The following ANKS1B variants were observed in gnomAD, a reference collection of about 807,000 sequenced individuals.
ANKS1B encodes ankyrin repeat and sterile alpha motif domain containing 1B, also known as ankyrin repeat and sterile alpha motif domain-containing protein 1B.
Under a neutral mutation model 148.3 loss-of-function variants are expected in ANKS1B, and 36 were observed. The observed-to-expected ratio is 0.24, with a 90% CI of 0.19 to 0.32. The LOEUF (loss-of-function observed/expected upper bound fraction) is 0.32, where lower values mean the gene tolerates loss of function less well. ANKS1B is among the 10% of genes least tolerant of loss of function. ANKS1B has a pLI of 1.00. For synonymous variants in ANKS1B, 542 were observed against 560.8 expected, an observed-to-expected ratio of 0.97 and a Z score of 0.47; for missense variants, 1,157 against 1,542.6, an observed-to-expected ratio of 0.75 and a Z score of 4.19.
intron 12 of ANKS1B, among the ~76,000 whole-genome samples, chr12:99,350,285 T>C (rs149798620): frequency 2.0e-5 from 3 of 152,146 alleles, no homozygotes; most frequent in African/African-American, 7.2e-5. Context: ...GTACAGCCTG[T>C]GGAACCATGA....
At chr12:98,750,959 G>A (rs115802163) in intron 26 of ANKS1B, among the ~76,000 whole-genome samples, 4,298 of 152,328 alleles carry the variant, frequency 0.028, 109 homozygotes, top group African/African-American at 0.071. Context: ...GTGTACCTCT[G>A]CAAACCTCTC....
chr12:99,196,672 G>A (rs1034559686), intron 14 of ANKS1B, among the ~76,000 whole-genome samples: 7 of 151,090 alleles, frequency 4.6e-5, no homozygotes, highest in Non-Finnish European at 1.0e-4. Context: ...TGTGCACAAT[G>A]TGCAGGATAG....
chr12:99,336,247 A>C (rs1023050492), intron 12 of ANKS1B, among the ~76,000 whole-genome samples: 1 of 151,480 alleles, frequency 6.6e-6, no homozygotes, highest in South Asian at 2.1e-4. Context: ...GAGTTGTTTG[A>C]GTTCCTTATA....
intron 12 of ANKS1B, among the ~76,000 whole-genome samples, chr12:99,372,724 T>C (rs923163373): frequency 6.6e-6 from 1 of 152,166 alleles, no homozygotes; most frequent in African/African-American, 2.4e-5. Flanking sequence ...TTTCTGGCTC[T>C]GCATAAAATG....
chr12:99,911,524 A>G (rs994094668), intron 1 of ANKS1B, among the ~76,000 whole-genome samples: 5 of 152,226 alleles, frequency 3.3e-5, no homozygotes, highest in Admixed American at 1.3e-4. Flanking sequence ...TGAGTTTACG[A>G]CTATTATTAG....
intron 12 of ANKS1B, among the ~76,000 whole-genome samples, chr12:99,262,243 A>T (rs56002425): frequency 0.18 from 27,836 of 151,730 alleles, 2,797 homozygotes; most frequent in Non-Finnish European, 0.24. Flanking sequence ...TAAATATAAA[A>T]AAATATATAT....
intron 10 of ANKS1B, among the ~76,000 whole-genome samples, chr12:99,445,487 C>T (rs900233250): frequency 2.6e-5 from 4 of 151,748 alleles, no homozygotes; most frequent in African/African-American, 9.7e-5. Context: ...CGAGAATGAA[C>T]CTGTATAAAC....
chr12:99,843,101 T>C (rs7968121), intron 1 of ANKS1B, among the ~76,000 whole-genome samples: 44,125 of 152,058 alleles, frequency 0.29, 6,843 homozygotes, highest in Non-Finnish European at 0.35. Flanking sequence ...CAAGGGTAGA[T>C]ATGCATAACG....
intron 8 of ANKS1B, among the ~76,000 whole-genome samples, chr12:99,731,825 A>T (rs1293300012): frequency 6.6e-6 from 1 of 152,208 alleles, no homozygotes; most frequent in Non-Finnish European, 1.5e-5. Context: ...GCTTCATCAA[A>T]AATTTTTAAA....
chr12:99,321,884 T>C (rs988466624), intron 12 of ANKS1B, among the ~76,000 whole-genome samples: 5 of 152,122 alleles, frequency 3.3e-5, no homozygotes, highest in South Asian at 2.1e-4. Context: ...TGTGGAGAAA[T>C]AGGAATGCTT....
intron 24 of ANKS1B, among the ~76,000 whole-genome samples, chr12:98,778,747 T>C (rs1041005557): frequency 2.0e-5 from 3 of 152,186 alleles, no homozygotes; most frequent in African/African-American, 7.2e-5. Context: ...GATGGTAGTA[T>C]TTCTCAGTCT....
intron 9 of ANKS1B, among the ~76,000 whole-genome samples, chr12:99,520,006 G>T (rs1322514986): frequency 6.6e-6 from 1 of 151,978 alleles, no homozygotes; most frequent in African/African-American, 2.4e-5. Context: ...TTCTCTTTAT[G>T]TATTATTGTA....
In ANKS1B at chr12:99,954,581, T is replaced by C. The variant is rs535018386; in HGVS notation, c.134+29523A>G. On this transcript the variant is annotated intron_variant, in intron 1 of 26. Transcript: ENST00000683438. ...TCCTTTTGGAATTTATATGGAAAGA[T>C]GTAACATTTACGGAGCCATTCATTA... Among the ~76,000 whole-genome samples the C allele has an allele frequency of 4.2e-4, 64 of 152,362 alleles. 1 individual carries two copies. The South Asian group carries it at 0.013, about 31-fold the overall frequency.
At chr12:99,253,899 C>A (rs1174312093) in intron 12 of ANKS1B, among the ~76,000 whole-genome samples, 1 of 152,040 alleles carries the variant, frequency 6.6e-6, no homozygotes, top group Non-Finnish European at 1.5e-5. Flanking sequence ...GATTTTCCTG[C>A]CAAAGATGTA....
chr12:99,030,427 C>T (rs2099951324), intron 17 of ANKS1B, among the ~76,000 whole-genome samples: 1 of 152,020 alleles, frequency 6.6e-6, no homozygotes, highest in African/African-American at 2.4e-5. Context: ...TACCCCATTG[C>T]CTTCTTCCAG....
At chr12:99,191,534 G>A (rs574791693) in intron 14 of ANKS1B, among the ~76,000 whole-genome samples, 87 of 152,304 alleles carry the variant, frequency 5.7e-4, no homozygotes, top group African/African-American at 2.1e-3. Flanking sequence ...ATGAGTTCAT[G>A]TCCTTTGCAG....
intron 9 of ANKS1B, among the ~76,000 whole-genome samples, chr12:99,619,017 A>G (rs2098010918): frequency 6.6e-6 from 1 of 152,082 alleles, no homozygotes; most frequent in African/African-American, 2.4e-5. Flanking sequence ...CTCCTGGGTG[A>G]TGATACTTGC....
At position 99,825,350 on chromosome 12, in the gene ANKS1B, C is replaced by T. The variant is rs117506069; in HGVS notation, c.174G>A (p.Ser58=). 190 of 1,612,620 alleles carry T rather than the reference C, an allele frequency of 1.2e-4. 2 individuals are homozygous for T. The East Asian group carries it at 4.0e-3, about 34-fold the overall frequency. The change falls in exon 2 of 27, where the codon TCG becomes TCA. Residue 58 remains serine, a synonymous_variant. Transcript: ENST00000683438. Reference sequence around the variant, plus strand: ...CTGCGTGGTGTAAAGCAGTGTAACCCGAACTGTCTGTGCAGTTCACATTGG... The same window carrying T: ...CTGCGTGGTGTAAAGCAGTGTAACCTGAACTGTCTGTGCAGTTCACATTGG... ...RGPNVNCTDS[S]GYTALHHAAL... is the part of the protein sequence containing the mutation.
At chr12:98,859,567 TTAGA>T (rs1309832823) in intron 17 of ANKS1B, among the ~76,000 whole-genome samples, 1 of 152,202 alleles carries the variant, frequency 6.6e-6, no homozygotes, top group Non-Finnish European at 1.5e-5. Flanking sequence ...AAAGGACTTG[TTAGA>T]TTGAGAATTT....
Sources: allele counts gnomAD v4.1 joint callset (sites outside exome capture counted in the v4.1 genomes callset), GRCh38; gene constraint gnomAD v4.1.1; transcripts MANE v1.5; gene names NCBI Gene and HGNC (gene_info 2026-07-23, HGNC 2026-07-21).